The following CACNA1C variants were observed in gnomAD, a reference collection of about 807,000 sequenced individuals.
CACNA1C encodes the protein calcium voltage-gated channel subunit alpha1 C, also known as voltage-dependent L-type calcium channel subunit alpha-1C.
Under a neutral mutation model 229.0 loss-of-function variants are expected in CACNA1C, and 30 were observed. That is an observed-to-expected ratio of 0.13 (90% confidence interval 0.10 to 0.18). The LOEUF is 0.18. Among genes scored for constraint, CACNA1C ranks in the 10% least tolerant of loss-of-function variants. The probability of loss-of-function intolerance (pLI) is 1.00; values close to 1 mark genes in which losing one functional copy is unlikely to be tolerated. For missense variants in CACNA1C, 1,658 were observed against 2,845.0 expected, an observed-to-expected ratio of 0.58 and a Z score of 9.49; for synonymous variants, 1,114 against 1,132.5, an observed-to-expected ratio of 0.98 and a Z score of 0.33.
intron 18 of CACNA1C, among the ~76,000 whole-genome samples, chr12:2,592,277 C>T (rs2065743413): frequency 6.6e-6 from 1 of 152,226 alleles, no homozygotes; most frequent in African/African-American, 2.4e-5. Flanking sequence ...CAAACACTTA[C>T]TTACAGAGCG....
At chr12:2,284,459 A>AGGGTGCAGAACAGGACCC (rs2092281399) in intron 3 of CACNA1C, among the ~76,000 whole-genome samples, 1 of 152,128 alleles carries the variant, frequency 6.6e-6, no homozygotes, top group Admixed American at 6.5e-5. Flanking sequence ...CTGGGGGAGG[A>AGGGTGCAGAACAGGACCC]GGGTGCAGAA....
chr12:2,652,192 C>T (rs768289714), intron 32 of CACNA1C, among the ~76,000 whole-genome samples: 2 of 152,308 alleles, frequency 1.3e-5, no homozygotes, highest in Admixed American at 6.5e-5. Flanking sequence ...CCCTCCTCCC[C>T]GTAGGCGTTT....
intron 10 of CACNA1C, among the ~76,000 whole-genome samples, chr12:2,555,920 T>G (rs1279604974): frequency 6.6e-6 from 1 of 152,038 alleles, no homozygotes; most frequent in Non-Finnish European, 1.5e-5. Context: ...CAGACTCCCT[T>G]CTCCTGTTTC....
At chr12:2,372,557 T>C (rs2097899394) in intron 3 of CACNA1C, among the ~76,000 whole-genome samples, 1 of 152,102 alleles carries the variant, frequency 6.6e-6, no homozygotes, top group African/African-American at 2.4e-5. Flanking sequence ...ACAACCCACC[T>C]AATCCTGCCT....
At chr12:2,376,899 T>A (rs1318904313) in intron 3 of CACNA1C, among the ~76,000 whole-genome samples, 1 of 152,182 alleles carries the variant, frequency 6.6e-6, no homozygotes, top group Non-Finnish European at 1.5e-5. Flanking sequence ...ACACAAAGCA[T>A]GCTCGCTACG....
At chr12:2,293,094 T>C (rs545293985) in intron 3 of CACNA1C, among the ~76,000 whole-genome samples, 186 of 152,310 alleles carry the variant, frequency 1.2e-3, no homozygotes, top group African/African-American at 4.4e-3. Context: ...TTGTAAAATC[T>C]GAGGCCTTAG....
intron 1 of CACNA1C, among the ~76,000 whole-genome samples, chr12:2,071,887 C>G (rs2061475529): frequency 6.6e-6 from 1 of 152,124 alleles, no homozygotes; most frequent in African/African-American, 2.4e-5. Context: ...CGTGAATTCT[C>G]CATTCCTTGG....
intron 10 of CACNA1C, among the ~76,000 whole-genome samples, chr12:2,554,246 A>G (rs2042859467): frequency 6.6e-6 from 1 of 152,186 alleles, no homozygotes; most frequent in Non-Finnish European, 1.5e-5. Context: ...AAGGAAAATC[A>G]TGGTCTCCCA....
chr12:2,585,293 G>A lies in CACNA1C; in HGVS notation c.2340-83G>A. The A allele has an allele frequency of 1.4e-6, 2 of 1,418,394 alleles. No homozygotes were observed. The allele number at this position is 1,418,394 out of a possible 1,614,324, so 87.9% of individuals were successfully genotyped here. A position where few individuals can be genotyped will look rare whatever the true frequency, so the allele number is the denominator to read the frequency against. On this transcript the variant is annotated intron_variant, in intron 16 of 46. Coordinates refer to ENST00000399655, the MANE Select transcript of CACNA1C (RefSeq NM_000719.7). This position sits in a 1 kb window ranked among gnomAD's most constrained non-coding sequence, Gnocchi z 4.1. ...GGATCTGTCCCCTCTGGCCCCAACA[G>A]GCCACAGGGCGGTTCCCTCCTACAC...
intron 3 of CACNA1C, among the ~76,000 whole-genome samples, chr12:2,279,330 T>G (rs1235490807): frequency 6.6e-6 from 1 of 152,248 alleles, no homozygotes; most frequent in Non-Finnish European, 1.5e-5. Flanking sequence ...AGCTTTATAA[T>G]AATAAGGCTT....
rs2096106137 is a variant in CACNA1C, at chr12:2,666,386, A to G, written c.4527-300A>G. ...GTAAATACCTTTTGGTCAGAAGGTTAGTTCATTCAATCAGCAAGTATATAT... is the reference window on the plus strand; with the variant it reads ...GTAAATACCTTTTGGTCAGAAGGTTGGTTCATTCAATCAGCAAGTATATAT... On this transcript the variant is annotated intron_variant, in intron 36 of 46. Transcript: ENST00000399655. The surrounding 1 kb of genome is among the most constrained non-coding windows in gnomAD (Gnocchi z 5.3). 6.6e-6 allele frequency among the ~76,000 whole-genome samples: 1 copy of G among 152,192 alleles called. No individual in the cohort carries two copies. Among genetic ancestry groups the G allele is most frequent in the African/African-American group, 2.4e-5 (1 of 41,446 alleles).
intron 3 of CACNA1C, among the ~76,000 whole-genome samples, chr12:2,363,747 A>G (rs552781991): frequency 3.9e-5 from 6 of 152,084 alleles, no homozygotes; most frequent in African/African-American, 1.4e-4. Flanking sequence ...TGGAGTCTTG[A>G]TTTCCTTGAG....
chr12:2,088,006 G>C (rs2068406254), intron 1 of CACNA1C, among the ~76,000 whole-genome samples: 1 of 152,140 alleles, frequency 6.6e-6, no homozygotes, highest in Non-Finnish European at 1.5e-5. Context: ...ACTCACTTGG[G>C]TAGGCCACTT....
intron 1 of CACNA1C, among the ~76,000 whole-genome samples, chr12:2,041,586 A>G (rs890283110): frequency 2.6e-5 from 4 of 152,080 alleles, no homozygotes; most frequent in Non-Finnish European, 4.4e-5. Context: ...CGCTAAGGGT[A>G]TTCTTGATAT....
In CACNA1C at chr12:2,350,365, T is replaced by C. The variant is rs552138178; in HGVS notation, c.478-98611T>C. On this transcript the variant is annotated intron_variant, in intron 3 of 46. Transcript: ENST00000399655. ...GCCTTGTTAGGTAGGAGACTGTGAC[T>C]CTCCCATTTTACAGATGAGGAAGTT... Among the ~76,000 whole-genome samples the C allele has an allele frequency of 2.6e-5, 4 of 152,302 alleles. No individual in the cohort carries two copies. The East Asian group carries it at 7.7e-4, about 29-fold the overall frequency.
chr12:2,008,429 C>T (rs1266224306), intron 1 of CACNA1C, among the ~76,000 whole-genome samples: 1 of 152,116 alleles, frequency 6.6e-6, no homozygotes, highest in Non-Finnish European at 1.5e-5. Flanking sequence ...TGGGGTCTCA[C>T]TACGTTGCTC....
rs2154457793 is a variant in CACNA1C at position 1,971,267 on chromosome 12, A to C, written c.139+66A>C. 1.2e-6 allele frequency: 1 copy of C among 836,102 alleles called. No homozygotes were observed. Among genetic ancestry groups the C allele is most frequent in the Non-Finnish European group, 1.7e-6 (1 of 585,096 alleles). The allele number at this position is 836,102 out of a possible 1,614,324, so 51.8% of individuals were successfully genotyped here. A position where few individuals can be genotyped will look rare whatever the true frequency, so the allele number is the denominator to read the frequency against. On this transcript the variant is annotated intron_variant, in intron 1 of 46. Transcript: ENST00000682462. The surrounding 1 kb of genome is among the most constrained non-coding windows in gnomAD (Gnocchi z 4.2). The stretch of plus-strand genomic sequence containing the variant: ...GTTGAAATTTACTCTAAATATCCTA[A>C]TGATACCTAGAATGTGACTTCCTCA...
chr12:2,011,609 C>T (rs534138642), intron 1 of CACNA1C, among the ~76,000 whole-genome samples: 4 of 152,228 alleles, frequency 2.6e-5, no homozygotes, highest in South Asian at 2.1e-4. Context: ...ATATCAAATG[C>T]GTATCAAATC....
intron 1 of CACNA1C, among the ~76,000 whole-genome samples, chr12:2,027,751 A>G (rs775157309): frequency 1.3e-5 from 2 of 152,234 alleles, no homozygotes; most frequent in Non-Finnish European, 2.9e-5. Flanking sequence ...TCATTGACCA[A>G]GCTTAATGAT....
Sources: gnomAD v4.1 joint callset for allele counts (sites outside exome capture counted in the v4.1 genomes callset) on GRCh38, gnomAD v4.1.1 for gene constraint, Gnocchi (gnomAD v3.1) non-coding constraint, MANE v1.5 for transcripts, NCBI Gene and HGNC (gene_info 2026-07-23, HGNC 2026-07-21) for gene names.